Variants in RAD54L2 observed in about 807,000 individuals in gnomAD.
RAD54L2 encodes the protein RAD54 like 2.
In RAD54L2, 27 loss-of-function variants were observed where a neutral mutation model predicts 138.4. That is an observed-to-expected ratio of 0.20 (90% CI 0.14 to 0.27). The LOEUF (loss-of-function observed/expected upper bound fraction) is 0.27. Ranked by LOEUF, RAD54L2 falls within the 10% of genes least tolerant of loss-of-function variation. The pLI is 1.00. For synonymous variants in RAD54L2, 644 were observed against 723.2 expected (o/e 0.89, Z 1.76); for missense variants, 1,396 against 1,890.2 (o/e 0.74, Z 4.85).
At chr3:51,618,849 A>C (rs1700505279) in intron 3 of RAD54L2, among the ~76,000 whole-genome samples, 1 of 152,162 alleles carries the variant, frequency 6.6e-6, no homozygotes, top group South Asian at 2.1e-4. Flanking sequence ...GGTTTTCTAG[A>C]GTTGACCTTG....
At chr3:51,542,784 C>T (rs577271385) in intron 2 of RAD54L2, among the ~76,000 whole-genome samples, 8 of 152,200 alleles carry the variant, frequency 5.3e-5, no homozygotes, top group Admixed American at 2.6e-4. Flanking sequence ...TATTCAGTGC[C>T]GGTAGGCAGG....
intron 2 of RAD54L2, among the ~76,000 whole-genome samples, chr3:51,566,021 G>A (rs59307262): frequency 0.022 from 3,258 of 151,410 alleles, 123 homozygotes; most frequent in African/African-American, 0.074. Flanking sequence ...GTAGAGATGG[G>A]GTTTCACCAT....
intron 2 of RAD54L2, among the ~76,000 whole-genome samples, chr3:51,573,040 G>A (rs767547948): frequency 2.4e-4 from 37 of 151,966 alleles, no homozygotes; most frequent in Non-Finnish European, 4.9e-4. Context: ...AGAAAATGTC[G>A]GCACAGGTTA....
intron 2 of RAD54L2, among the ~76,000 whole-genome samples, chr3:51,578,383 C>G (rs139833767): frequency 9.7e-4 from 147 of 152,256 alleles, no homozygotes; most frequent in Non-Finnish European, 1.7e-3. Flanking sequence ...TTGTGTAATT[C>G]AATTCCTATG....
chr3:51,592,063 T>G (rs892840733), intron 3 of RAD54L2, among the ~76,000 whole-genome samples: 2,107 of 127,720 alleles, frequency 0.016, 63 homozygotes, highest in African/African-American at 0.059. Flanking sequence ...TGTTTTTTTT[T>G]TTTTTTTTTT....
chr3:51,613,537 G>T (rs1365798625), intron 3 of RAD54L2, among the ~76,000 whole-genome samples: 2 of 152,174 alleles, frequency 1.3e-5, no homozygotes, highest in Admixed American at 6.5e-5. Flanking sequence ...GGGAGGCTGA[G>T]GCGGGTGGGT....
intron 2 of RAD54L2, among the ~76,000 whole-genome samples, chr3:51,583,056 T>C (rs372859761): frequency 1.1e-4 from 16 of 152,100 alleles, no homozygotes; most frequent in African/African-American, 3.6e-4. Flanking sequence ...TGAGCCACCA[T>C]GCCCGGCCAA....
At chr3:51,542,106 AC>A (rs1698568720) in intron 2 of RAD54L2, among the ~76,000 whole-genome samples, 1 of 152,156 alleles carries the variant, frequency 6.6e-6, no homozygotes, top group Admixed American at 6.5e-5. Context: ...GAGTCTTCCC[AC>A]TTTTTCTTGC....
At chr3:51,620,635 A>G (rs903865836) in intron 3 of RAD54L2, among the ~76,000 whole-genome samples, 9 of 151,884 alleles carry the variant, frequency 5.9e-5, no homozygotes, top group Non-Finnish European at 2.9e-5. Context: ...TGCCTAGTCA[A>G]ATTTATAGTG....
chr3:51,571,445 G>A (rs1434306289), intron 2 of RAD54L2, among the ~76,000 whole-genome samples: 2 of 147,830 alleles, frequency 1.4e-5, no homozygotes, highest in African/African-American at 5.0e-5. Context: ...AGGCTGGTGT[G>A]CAGTGGTGCG....
At chr3:51,584,112 T>C (rs543342982) in intron 2 of RAD54L2, among the ~76,000 whole-genome samples, 2 of 152,268 alleles carry the variant, frequency 1.3e-5, no homozygotes, top group South Asian at 4.1e-4. Context: ...CAAAGTCATT[T>C]AGCTAGTTAT....
intron 2 of RAD54L2, among the ~76,000 whole-genome samples, chr3:51,568,099 T>A (rs1699257214): frequency 6.6e-6 from 1 of 152,134 alleles, no homozygotes; most frequent in East Asian, 1.9e-4. Context: ...GAAATGGAAG[T>A]GGCTGCGGTG....
In RAD54L2 at chr3:51,662,849, C is replaced by A. The variant is rs751963743; in HGVS notation, c.3833C>A (p.Pro1278Gln). Residue 1278 changes from proline (P) to glutamine (Q), a missense_variant, in exon 23 of 23, where the codon CCA becomes CAA. Transcript: ENST00000684192. This position sits in a 1 kb window ranked among gnomAD's most constrained non-coding sequence, Gnocchi z 4.6. ...SRRRSRKGHL[P>Q]APVQPYEHGY... ...CGGCGGTCCAGGAAGGGTCATCTGC[C>A]AGCCCCCGTGCAGCCGTATGAACAC... is the stretch of plus-strand genomic sequence containing the variant. The A allele has an allele frequency of 6.2e-6, 10 of 1,613,132 alleles. No individual in the cohort carries two copies. The Admixed American group carries it at 1.5e-4, about 24-fold the overall frequency.
chr3:51,594,159 C>T (rs1023705579), intron 3 of RAD54L2, among the ~76,000 whole-genome samples: 2 of 150,888 alleles, frequency 1.3e-5, no homozygotes, highest in African/African-American at 4.9e-5. Flanking sequence ...CAACCTCCAC[C>T]TCCTGAGTTC....
rs547483203 is a variant in RAD54L2, at chr3:51,667,080, T to C, written c.*3660T>C. On this transcript the variant is annotated 3_prime_UTR_variant, in exon 23 of 23. Coordinates refer to ENST00000684192, the MANE Select transcript of RAD54L2 (RefSeq NM_015106.4). Reference sequence around the variant, plus strand: ...ATTCAAACCTGGCATTGCTCTGAAATTGAGTCCTCATCCCATGGGGAAGGT... The same window carrying C: ...ATTCAAACCTGGCATTGCTCTGAAACTGAGTCCTCATCCCATGGGGAAGGT... 1.3e-5 allele frequency: 2 copies of C among 152,344 alleles called. No individual in the cohort carries two copies. The highest frequency in any genetic ancestry group is 2.9e-5 in the Non-Finnish European group (2 of 68,062). 9.4% of individuals were successfully genotyped at this position (152,344 alleles called of 1,614,324 possible).
chr3:51,608,986 G>C (rs1445430816), intron 3 of RAD54L2, among the ~76,000 whole-genome samples: 1 of 152,072 alleles, frequency 6.6e-6, no homozygotes, highest in African/African-American at 2.4e-5. Context: ...CCCCTCCCAG[G>C]TTCAGGAAAT....
At chr3:51,622,602 A>G (rs970148775) in intron 3 of RAD54L2, among the ~76,000 whole-genome samples, 1 of 152,194 alleles carries the variant, frequency 6.6e-6, no homozygotes, top group African/African-American at 2.4e-5. Context: ...CATCCTGGGC[A>G]TCCACATGCG....
At chr3:51,629,656 C>G (rs1015891141) in intron 5 of RAD54L2, among the ~76,000 whole-genome samples, 183 bp downstream of exon 5, 1 of 151,416 alleles carries the variant, frequency 6.6e-6, no homozygotes, top group East Asian at 1.9e-4. Flanking sequence ...TTCAGGAGTT[C>G]GAGACCAGTC....
rs763939768 is a variant in RAD54L2, at chr3:51,567,941, CA to C, written c.-54-22406del. On this transcript the variant is annotated intron_variant, in intron 2 of 22. Coordinates refer to ENST00000684192, the MANE Select transcript of RAD54L2 (RefSeq NM_015106.4). The stretch of plus-strand genomic sequence containing the variant: ...TGGGTGACAGAGCAAGACCCTGTCT[CA>C]AAAAAAAAAAAAAAAAAAAGAATGT... Among the ~76,000 whole-genome samples, 355 of 81,682 alleles carry C rather than the reference CA, an allele frequency of 4.3e-3. 2 individuals carry two copies. The highest frequency in any genetic ancestry group is 0.013 in the Middle Eastern group (2 of 150). The allele number at this position is 81,682 out of a possible 152,430, so 53.6% of individuals were successfully genotyped here. A position where few individuals can be genotyped will look rare whatever the true frequency, so the allele number is the denominator to read the frequency against.
Sources: gnomAD v4.1 joint callset for allele counts (sites outside exome capture counted in the v4.1 genomes callset) on GRCh38, gnomAD v4.1.1 for gene constraint, Gnocchi (gnomAD v3.1) non-coding constraint, MANE v1.5 for transcripts, NCBI Gene and HGNC (gene_info 2026-07-23, HGNC 2026-07-21) for gene names.